The following ASPM variants were observed in gnomAD, a reference collection of about 807,000 sequenced individuals.
The protein encoded by ASPM is abnormal spindle-like microcephaly-associated protein.
Under a neutral mutation model 366.4 loss-of-function variants are expected in ASPM, and 256 were observed. The ratio of observed to expected loss-of-function variants is 0.70; its 90% CI spans 0.63 to 0.77. The LOEUF is 0.77. ASPM is among the 30% of genes least tolerant of loss of function. The pLI, the probability that ASPM is intolerant of heterozygous loss-of-function variation, is 0.00. For missense variants in ASPM, 4,146 were observed against 4,090.4 expected, an observed-to-expected ratio of 1.01 and a Z score of -0.37; for synonymous variants, 1,414 against 1,342.9, an observed-to-expected ratio of 1.05 and a Z score of -1.16.
intron 25 of ASPM, among the ~76,000 whole-genome samples, chr1:197,088,725 G>C (rs1203304823): frequency 6.6e-6 from 1 of 151,768 alleles, no homozygotes; most frequent in African/African-American, 2.4e-5. Context: ...GTCAATAAAA[G>C]CAAACTTTTA....
chr1:197,106,958 C>T (rs1423405404), intron 17 of ASPM, among the ~76,000 whole-genome samples: 1 of 152,066 alleles, frequency 6.6e-6, no homozygotes, highest in Admixed American at 6.6e-5. Context: ...CTTCATCTCT[C>T]CCAGTAACTA....
At chr1:197,126,896 A>G (rs984303883) in intron 10 of ASPM, among the ~76,000 whole-genome samples, 3 of 152,092 alleles carry the variant, frequency 2.0e-5, no homozygotes, top group Non-Finnish European at 2.9e-5. Context: ...ACCTTCCAAC[A>G]CTGTGAACTG....
At chr1:197,093,849 A>G (rs1656875898) in intron 20 of ASPM, among the ~76,000 whole-genome samples, 1 of 151,868 alleles carries the variant, frequency 6.6e-6, no homozygotes, top group Non-Finnish European at 1.5e-5. Context: ...ACAATAAAAC[A>G]AGGTATGCCT....
intron 19 of ASPM, 130 bp from the exon 20 acceptor site, chr1:197,094,310 G>C: frequency 3.2e-6 from 2 of 634,388 alleles, no homozygotes. Flanking sequence ...ATTTTAAAAA[G>C]TGGGCAAGTA....
intron 6 of ASPM, 45 bp from the exon 7 acceptor site, chr1:197,132,397 A>G (rs548144365): frequency 1.3e-6 from 2 of 1,530,742 alleles, no homozygotes; most frequent in East Asian, 2.3e-5. Context: ...TGATAATCAA[A>G]TAGAGACAAG....
chr1:197,130,375 T>G (rs1371928263), intron 7 of ASPM, among the ~76,000 whole-genome samples: 1 of 152,214 alleles, frequency 6.6e-6, no homozygotes, highest in Non-Finnish European at 1.5e-5. Context: ...TTCAAATTTA[T>G]TTATAACTGT....
chr1:197,142,970 C>T lies in ASPM; in HGVS notation c.1282G>A (p.Asp428Asn), dbSNP rs750620014. ...GGCGAAACTTCACTTTTTCTCCAAT[C>T]TTCAGGAGACTGTGGGACTTGAGAA... ...ENSQVPQSPE[D>N]WRKSEVSPRI... Residue 428 changes from aspartate to asparagine, a missense_variant, in exon 3 of 28, where the codon GAT becomes AAT. Around this residue, in one of 3 missense-constraint regions of ASPM, gnomAD observed 3,624 missense variants for 3,591.7 expected, o/e 1.01. Coordinates refer to ENST00000367409, the MANE Select transcript of ASPM (RefSeq NM_018136.5). 1.2e-6 allele frequency: 2 copies of T among 1,613,970 alleles called. No individual in the cohort carries two copies. The highest frequency in any genetic ancestry group is 2.2e-5 in the South Asian group (2 of 91,082).
In ASPM at chr1:197,102,237, AGCAGCCCTGT is replaced by A; in HGVS notation, c.7004_7013del (p.His2335LeufsTer15). 1 of 1,612,850 alleles carries A rather than the reference AGCAGCCCTGT, an allele frequency of 6.2e-7. No homozygotes were observed. Among genetic ancestry groups the A allele is most frequent in the South Asian group, 1.1e-5 (1 of 91,066 alleles). Reference sequence around the variant, plus strand: ...TTCTGAAAGTAGACTGGATGAAAGTAGCAGCCCTGTGCATCTCTCGCATCCTTTTCCTTAT... The same window carrying A: ...TTCTGAAAGTAGACTGGATGAAAGTAGCATCTCTCGCATCCTTTTCCTTAT... On this transcript the variant is annotated frameshift_variant, in exon 18 of 28. Coordinates refer to ENST00000367409, the MANE Select transcript of ASPM (RefSeq NM_018136.5). LOFTEE classifies it high-confidence loss of function.
intron 19 of ASPM, 29 bp downstream of exon 19, chr1:197,095,969 A>G: frequency 5.1e-6 from 8 of 1,572,122 alleles, no homozygotes; most frequent in Non-Finnish European, 7.0e-6. Context: ...AAATACTTTT[A>G]CACTCTCCAC....
chr1:197,097,020 A>T (rs925793201), intron 18 of ASPM, among the ~76,000 whole-genome samples: 5 of 151,812 alleles, frequency 3.3e-5, no homozygotes, highest in African/African-American at 1.2e-4. Flanking sequence ...AAGAGGAATT[A>T]AAAGAAATTA....
At position 197,142,493 on chromosome 1, in the gene ASPM, T is replaced by C; in HGVS notation, c.1759A>G (p.Arg587Gly). 1.2e-6 allele frequency: 2 copies of C among 1,614,046 alleles called. No individual in the cohort carries two copies. Among genetic ancestry groups the C allele is most frequent in the Non-Finnish European group, 1.7e-6 (2 of 1,179,896 alleles). Residue 587 changes from arginine (R) to glycine (G), a missense_variant, in exon 3 of 28, where the codon AGA becomes GGA. Arg to Gly is a moderately radical substitution (Grantham distance 125). Coordinates refer to ENST00000367409, the MANE Select transcript of ASPM (RefSeq NM_018136.5). Reference protein sequence around the residue: ...SDGSMEDANVRVAITEHTEVR... With the variant: ...SDGSMEDANVGVAITEHTEVR... ...TCTGTATGTTCTGTAATTGCAACTC[T>C]CACATTTGCATCTTCCATGCTTCCA...
At chr1:197,132,619 CT>C (rs1658296643) in intron 6 of ASPM, among the ~76,000 whole-genome samples, 1 of 151,938 alleles carries the variant, frequency 6.6e-6, no homozygotes, top group African/African-American at 2.4e-5. Context: ...TACCTGCATT[CT>C]TATGTTCATT....
At position 197,098,919 on chromosome 1, in the gene ASPM, T is replaced by A. The variant is rs192781877; in HGVS notation, c.8820+1512A>T. Among the ~76,000 whole-genome samples the A allele has an allele frequency of 1.8e-3, 272 of 151,752 alleles. 1 individual carries two copies. The highest frequency in any genetic ancestry group is 6.3e-3 in the African/African-American group (262 of 41,456). On this transcript the variant is annotated intron_variant, in intron 18 of 27. Coordinates refer to ENST00000367409, the MANE Select transcript of ASPM (RefSeq NM_018136.5). ...GCCTTACTAGATATTTCAAGGGGGT[T>A]ACCTGCTAGGTACTTCAGATCTTAT...
Position 197,139,463 on chromosome 1 carries a change from C to G in ASPM, c.2026+304G>C, listed in dbSNP as rs112596323. 9.3e-4 allele frequency among the ~76,000 whole-genome samples: 141 copies of G among 152,272 alleles called. 2 individuals carry two copies. The East Asian group carries it at 0.02, about 22-fold the overall frequency. ...TACAAAAAAATTAGCCGGGCATGGT[C>G]GTGGGTGCCCGCAGTCCAAATATCT... On this transcript the variant is annotated intron_variant, in intron 4 of 27. Transcript: ENST00000367409.
intron 17 of ASPM, among the ~76,000 whole-genome samples, chr1:197,108,965 T>C (rs1490498206): frequency 1.6e-5 from 2 of 123,768 alleles, no homozygotes; most frequent in African/African-American, 5.9e-5. Flanking sequence ...AGCAAGACCC[T>C]GTCTCCAAAA....
chr1:197,131,646 C>T (rs1477915764), intron 7 of ASPM, among the ~76,000 whole-genome samples: 1 of 151,196 alleles, frequency 6.6e-6, no homozygotes, highest in Non-Finnish European at 1.5e-5. Flanking sequence ...GCAAGCTCCA[C>T]CTCCCGGGTT....
intron 16 of ASPM, among the ~76,000 whole-genome samples, chr1:197,120,387 G>T (rs569911759): frequency 6.6e-6 from 1 of 152,104 alleles, no homozygotes; most frequent in East Asian, 1.9e-4. Flanking sequence ...AAAATTAGCT[G>T]GGTGTGGTGG....
Position 197,124,205 on chromosome 1 carries a change from C to T in ASPM, c.3295G>A (p.Gly1099Ser), listed in dbSNP as rs1412587693. The T allele has an allele frequency of 6.2e-7, 1 of 1,611,828 alleles. No individual in the cohort carries two copies. The highest frequency in any genetic ancestry group is 1.1e-5 in the South Asian group (1 of 90,978). Residue 1099 changes from glycine to serine, a missense_variant, in exon 13 of 28, where the codon GGC (glycine) becomes AGC (serine). Gly to Ser is a moderately conservative substitution (Grantham distance 56). Around this residue, in one of 3 missense-constraint regions of ASPM, gnomAD observed 3,624 missense variants for 3,591.7 expected, o/e 1.01. Coordinates refer to ENST00000367409, the MANE Select transcript of ASPM (RefSeq NM_018136.5). Reference sequence around the variant, plus strand: ...TCAAAGGAACCACTATCCCTTTTGCCTTTTTTCTTATTAATAAGATCATCA... The same window carrying T: ...TCAAAGGAACCACTATCCCTTTTGCTTTTTTTCTTATTAATAAGATCATCA... ...HSDDLINKKKGKRDSGSFEQY... is the reference protein window; with the variant it reads ...HSDDLINKKKSKRDSGSFEQY...
Position 197,103,481 on chromosome 1 carries a change from C to T in ASPM, c.5770G>A (p.Ala1924Thr), listed in dbSNP as rs780503880. 35 of 1,613,144 alleles carry T rather than the reference C, an allele frequency of 2.2e-5. No homozygotes were observed. Among genetic ancestry groups the T allele is most frequent in the Non-Finnish European group, 2.9e-5 (34 of 1,179,510 alleles). ...QKQFRLFKTA[A>T]LVIQQNFRAW... is the part of the protein sequence containing the mutation. ...CTGAAATTTTGCTGGATGACTAATG[C>T]TGCTGTTTTAAACAATCTAAACTGT... Residue 1924 changes from alanine to threonine, a missense_variant, in exon 18 of 28, where the codon GCA (alanine) becomes ACA (threonine). Ala to Thr is a moderately conservative substitution (Grantham distance 58, BLOSUM62 0). Around this residue, in one of 3 missense-constraint regions of ASPM, gnomAD observed 3,624 missense variants for 3,591.7 expected, o/e 1.01. Coordinates refer to ENST00000367409, the MANE Select transcript of ASPM (RefSeq NM_018136.5).
Sources: allele counts gnomAD v4.1 joint callset (sites outside exome capture counted in the v4.1 genomes callset), GRCh38; gene constraint gnomAD v4.1.1; regional missense constraint gnomAD v4.1.1; transcripts MANE v1.5; gene names NCBI Gene and HGNC (gene_info 2026-07-23, HGNC 2026-07-21).